Variants in DAAM1 observed in about 807,000 individuals in gnomAD.
DAAM1 encodes dishevelled associated activator of morphogenesis 1, also known as disheveled-associated activator of morphogenesis 1.
In DAAM1, 52 loss-of-function variants were observed where a neutral mutation model predicts 130.0. That is an observed-to-expected ratio of 0.40 (90% CI 0.32 to 0.50). The LOEUF (loss-of-function observed/expected upper bound fraction) is 0.50. Among genes scored for constraint, DAAM1 ranks in the 20% least tolerant of loss-of-function variants. The pLI is 0.61. For missense variants in DAAM1, 1,134 were observed against 1,303.8 expected (o/e 0.87, Z 2.01); for synonymous variants, 452 against 444.5 (o/e 1.02, Z -0.21).
chr14:59,324,736 C>A (rs890364822), intron 8 of DAAM1, among the ~76,000 whole-genome samples: 1 of 152,112 alleles, frequency 6.6e-6, no homozygotes, highest in Non-Finnish European at 1.5e-5. Context: ...TGAAGTTACT[C>A]AATTTTTCTG....
At chr14:59,326,457 C>T in intron 10 of DAAM1, 53 bp from the exon 11 acceptor site, 2 of 1,537,182 alleles carry the variant, frequency 1.3e-6, no homozygotes, top group Admixed American at 4.0e-5. Flanking sequence ...AAATATTCAT[C>T]CTAGCTTAGA....
At chr14:59,199,259 C>G (rs1215117601) in intron 1 of DAAM1, among the ~76,000 whole-genome samples, 2 of 152,190 alleles carry the variant, frequency 1.3e-5, no homozygotes, top group Non-Finnish European at 2.9e-5. Flanking sequence ...TTAAATTGAT[C>G]ATCACTTTTT....
intron 3 of DAAM1, among the ~76,000 whole-genome samples, chr14:59,311,992 C>T (rs1884617060): frequency 6.6e-6 from 1 of 152,186 alleles, no homozygotes; most frequent in South Asian, 2.1e-4. Context: ...AGCCACTGCA[C>T]CTAGCCCCTC....
chr14:59,289,770 A>AGAT (rs1883644912), intron 2 of DAAM1, among the ~76,000 whole-genome samples: 2 of 56,330 alleles, frequency 3.6e-5, no homozygotes, highest in Admixed American at 1.6e-4. Flanking sequence ...AAAATGTGAT[A>AGAT]TATATATATA....
chr14:59,231,283 A>C (rs1305756256), intron 1 of DAAM1, among the ~76,000 whole-genome samples: 1 of 152,164 alleles, frequency 6.6e-6, no homozygotes, highest in African/African-American at 2.4e-5. Flanking sequence ...CTAACATCTT[A>C]TATTTCCCCA....
chr14:59,262,568 G>GGCATCATA (rs1566673102), intron 1 of DAAM1, among the ~76,000 whole-genome samples: 1 of 151,512 alleles, frequency 6.6e-6, no homozygotes, highest in Non-Finnish European at 1.5e-5. Flanking sequence ...TTTAAATCAT[G>GGCATCATA]TACTCCTATA....
intron 3 of DAAM1, among the ~76,000 whole-genome samples, chr14:59,313,470 G>C (rs905699211): frequency 4.6e-5 from 7 of 152,170 alleles, no homozygotes; most frequent in Admixed American, 3.9e-4. Flanking sequence ...ACTTCTCTCT[G>C]TGTACCAATC....
chr14:59,195,884 CTT>C (rs34193768), intron 1 of DAAM1, among the ~76,000 whole-genome samples: 19 of 147,098 alleles, frequency 1.3e-4, no homozygotes, highest in African/African-American at 3.2e-4. Context: ...TTTTCTGTAT[CTT>C]TTTTTTTTTT....
intron 1 of DAAM1, among the ~76,000 whole-genome samples, chr14:59,193,039 C>T (rs796195914): frequency 3.3e-5 from 5 of 151,542 alleles, no homozygotes; most frequent in African/African-American, 7.2e-5. Flanking sequence ...GACTACAGAG[C>T]GAGACTCCGT....
intron 16 of DAAM1, among the ~76,000 whole-genome samples, chr14:59,346,136 T>C (rs1357635161): frequency 4.1e-5 from 2 of 48,570 alleles, no homozygotes; most frequent in Non-Finnish European, 1.1e-4. Flanking sequence ...ATCCCTTTTT[T>C]TTGGGGGGGG....
At chr14:59,328,562 T>C (rs1013558507) in intron 12 of DAAM1, among the ~76,000 whole-genome samples, 1 of 152,180 alleles carries the variant, frequency 6.6e-6, no homozygotes, top group Non-Finnish European at 1.5e-5. Context: ...GAGTCTCAGC[T>C]CTCCCCCTTT....
chr14:59,328,313 A>T (rs778243435), intron 12 of DAAM1, among the ~76,000 whole-genome samples: 1 of 152,274 alleles, frequency 6.6e-6, no homozygotes, highest in Non-Finnish European at 1.5e-5. Context: ...TAAATTTCAG[A>T]AACTGCTACA....
chr14:59,258,545 T>C (rs1045946612), intron 1 of DAAM1, among the ~76,000 whole-genome samples: 1 of 152,188 alleles, frequency 6.6e-6, no homozygotes, highest in Non-Finnish European at 1.5e-5. Flanking sequence ...AATATGCATA[T>C]TAAATCATAT....
Position 59,371,320 on chromosome 14 carries a change from GAAA to G in DAAM1, c.*2468_*2470del, listed in dbSNP as rs775369998. 1.3e-5 allele frequency: 2 copies of G among 150,368 alleles called. No individual in the cohort carries two copies. The highest frequency in any genetic ancestry group is 1.3e-4 in the Admixed American group (2 of 15,146). The allele number at this position is 150,368 out of a possible 1,614,324, so 9.3% of individuals were successfully genotyped here. ...CAAGACTGTTGTTAGATAGTACTGA[GAAA>G]AAAAAAGTATGTGTTATGAGACTGT... On this transcript the variant is annotated 3_prime_UTR_variant, in exon 25 of 25. Coordinates refer to ENST00000360909, the MANE Select transcript of DAAM1 (RefSeq NM_001270520.2).
At chr14:59,210,710 T>C (rs1888401066) in intron 1 of DAAM1, among the ~76,000 whole-genome samples, 1 of 152,218 alleles carries the variant, frequency 6.6e-6, no homozygotes, top group Admixed American at 6.5e-5. Flanking sequence ...CTTAGTGTTT[T>C]CTTAATCTTA....
chr14:59,263,303 G>A (rs1306437666), intron 1 of DAAM1, 138 bp from the exon 2 acceptor site: 12 of 665,476 alleles, frequency 1.8e-5, no homozygotes, highest in East Asian at 5.5e-5. Flanking sequence ...AAACCCACTC[G>A]GTGTTGTTCT....
At chr14:59,281,560 G>A (rs1260005459) in intron 2 of DAAM1, among the ~76,000 whole-genome samples, 2 of 151,940 alleles carry the variant, frequency 1.3e-5, no homozygotes, top group African/African-American at 4.8e-5. Flanking sequence ...GAGGGGAGGT[G>A]GGAAGGTCAG....
At chr14:59,270,696 A>G (rs1039403180) in intron 2 of DAAM1, among the ~76,000 whole-genome samples, 10 of 152,224 alleles carry the variant, frequency 6.6e-5, no homozygotes, top group African/African-American at 2.4e-4. Flanking sequence ...AAGGACAAAG[A>G]GAATTACCAG....
intron 15 of DAAM1, among the ~76,000 whole-genome samples, chr14:59,332,207 G>C (rs1170810628): frequency 1.3e-5 from 2 of 152,168 alleles, no homozygotes; most frequent in African/African-American, 4.8e-5. Context: ...TAGTCAAAAT[G>C]GTTCACCAGG....
Sources: gnomAD v4.1 joint callset for allele counts (sites outside exome capture counted in the v4.1 genomes callset) on GRCh38, gnomAD v4.1.1 for gene constraint, MANE v1.5 for transcripts, NCBI Gene and HGNC (gene_info 2026-07-23, HGNC 2026-07-21) for gene names.